The following ZNF804B variants were observed in gnomAD, a reference collection of about 807,000 sequenced individuals.
The protein encoded by ZNF804B is zinc finger 804B.
In ZNF804B, 80 loss-of-function variants were observed where a neutral mutation model predicts 101.4. The ratio of observed to expected loss-of-function variants is 0.79; its 90% CI spans 0.66 to 0.95. ZNF804B has a LOEUF of 0.95. Among genes scored for constraint, ZNF804B ranks in the 40% least tolerant of loss-of-function variants. ZNF804B has a pLI of 0.00. For synonymous variants in ZNF804B, 622 were observed against 558.8 expected (o/e 1.11, Z -1.59); for missense variants, 1,673 against 1,561.9 (o/e 1.07, Z -1.20).
At chr7:89,306,591 T>A (rs1186239932) in intron 2 of ZNF804B, among the ~76,000 whole-genome samples, 1 of 152,068 alleles carries the variant, frequency 6.6e-6, no homozygotes, top group Non-Finnish European at 1.5e-5. Context: ...ACTTTAGCAC[T>A]GAGTTTGATG....
intron 2 of ZNF804B, among the ~76,000 whole-genome samples, chr7:89,240,093 T>C (rs935747434): frequency 1.3e-5 from 2 of 152,062 alleles, no homozygotes; most frequent in Admixed American, 6.6e-5. Context: ...TTCTAGTTAC[T>C]ACTAGTATTT....
chr7:89,233,013 C>T lies in ZNF804B; in HGVS notation c.249+14718C>T, dbSNP rs1200455211. ...CTCCACTCACTGCAAGCTCCGCCTC[C>T]CGGGTTCACGCCATTTTCCTGCCTC... is the stretch of plus-strand genomic sequence containing the variant. On this transcript the variant is annotated intron_variant, in intron 2 of 3. Coordinates refer to ENST00000333190, the MANE Select transcript of ZNF804B (RefSeq NM_181646.5). Among the ~76,000 whole-genome samples the T allele has an allele frequency of 2.6e-5, 4 of 152,280 alleles. No homozygotes were observed. The East Asian group carries it at 7.7e-4, about 29-fold the overall frequency.
intron 1 of ZNF804B, among the ~76,000 whole-genome samples, chr7:88,771,871 T>A (rs542718574): frequency 6.6e-6 from 1 of 152,244 alleles, no homozygotes; most frequent in Non-Finnish European, 1.5e-5. Context: ...AATTATGTAT[T>A]TAATGGCAAG....
At chr7:89,166,775 G>A (rs752470710) in intron 1 of ZNF804B, among the ~76,000 whole-genome samples, 1 of 152,132 alleles carries the variant, frequency 6.6e-6, no homozygotes, top group Non-Finnish European at 1.5e-5. Flanking sequence ...TTGGAGAGAT[G>A]AACTTCCCAA....
chr7:89,284,382 G>GCA, intron 2 of ZNF804B, among the ~76,000 whole-genome samples: 1 of 152,292 alleles, frequency 6.6e-6, no homozygotes, highest in East Asian at 1.9e-4. Context: ...CCCATATGAA[G>GCA]TAGCACTAGT....
At chr7:89,062,857 C>G (rs949373255) in intron 1 of ZNF804B, among the ~76,000 whole-genome samples, 3 of 152,010 alleles carry the variant, frequency 2.0e-5, no homozygotes, top group African/African-American at 4.8e-5. Context: ...TTTTAAGGAT[C>G]CACTTATGAA....
At chr7:89,117,558 T>A (rs966538689) in intron 1 of ZNF804B, among the ~76,000 whole-genome samples, 1 of 152,226 alleles carries the variant, frequency 6.6e-6, no homozygotes, top group African/African-American at 2.4e-5. Context: ...CATTACTCAG[T>A]ATGATACCCA....
At chr7:89,169,663 A>G (rs749851513) in intron 1 of ZNF804B, among the ~76,000 whole-genome samples, 5 of 152,194 alleles carry the variant, frequency 3.3e-5, no homozygotes, top group Admixed American at 6.6e-5. Context: ...TCTATTCCTG[A>G]GCCTTTCGAA....
At chr7:88,900,425 A>G (rs1427973810) in intron 1 of ZNF804B, among the ~76,000 whole-genome samples, 2 of 151,746 alleles carry the variant, frequency 1.3e-5, no homozygotes, top group African/African-American at 2.4e-5. Context: ...AAAGATTTAC[A>G]TAAGCCAGAA....
chr7:89,093,734 C>T (rs1045778651), intron 1 of ZNF804B, among the ~76,000 whole-genome samples: 9 of 152,220 alleles, frequency 5.9e-5, no homozygotes, highest in African/African-American at 1.9e-4. Flanking sequence ...GAAGGAACTG[C>T]CAAATTATTT....
rs200449116 is a variant in ZNF804B at position 88,852,287 on chromosome 7, T to C, written c.108+92203T>C. On this transcript the variant is annotated intron_variant, in intron 1 of 3. Transcript: ENST00000333190. Reference sequence around the variant, plus strand: ...TGTATTTCCTAGTTGTAATGTTAGATATATTTCTTACTATGAGTCATGGTC... The same window carrying C: ...TGTATTTCCTAGTTGTAATGTTAGACATATTTCTTACTATGAGTCATGGTC... Among the ~76,000 whole-genome samples, 7 of 152,124 alleles carry C rather than the reference T, an allele frequency of 4.6e-5. No individual in the cohort carries two copies. In the East Asian group the frequency reaches 1.2e-3, roughly 25 times the overall value.
At chr7:88,847,238 G>C (rs756204703) in intron 1 of ZNF804B, among the ~76,000 whole-genome samples, 27 of 151,974 alleles carry the variant, frequency 1.8e-4, no homozygotes, top group Non-Finnish European at 2.9e-5. Flanking sequence ...TCTTCACTCT[G>C]ATAGTATTCA....
chr7:89,242,928 C>A (rs1584078456), intron 2 of ZNF804B, among the ~76,000 whole-genome samples: 1 of 151,730 alleles, frequency 6.6e-6, no homozygotes, highest in African/African-American at 2.4e-5. Context: ...AACTAGTCTT[C>A]CAAAAATCAA....
At chr7:88,858,061 G>T (rs1791597862) in intron 1 of ZNF804B, among the ~76,000 whole-genome samples, 1 of 151,932 alleles carries the variant, frequency 6.6e-6, no homozygotes, top group Admixed American at 6.6e-5. Flanking sequence ...GACCTCAGGT[G>T]ATCTGCCCAC....
intron 1 of ZNF804B, among the ~76,000 whole-genome samples, chr7:88,966,720 T>A (rs1010672838): frequency 1.3e-5 from 2 of 151,172 alleles, no homozygotes; most frequent in East Asian, 3.9e-4. Flanking sequence ...ACTTTTAGAG[T>A]CATTTACAAA....
At chr7:89,001,545 A>T (rs954450012) in intron 1 of ZNF804B, among the ~76,000 whole-genome samples, 1 of 151,938 alleles carries the variant, frequency 6.6e-6, no homozygotes, top group Admixed American at 6.6e-5. Context: ...AGCCAGCAGC[A>T]GTCTTTTGAA....
chr7:88,825,119 C>T (rs1172375855), intron 1 of ZNF804B, among the ~76,000 whole-genome samples: 2 of 152,038 alleles, frequency 1.3e-5, no homozygotes, highest in East Asian at 1.9e-4. Context: ...TGGATGGAAG[C>T]GTGGATTGGG....
intron 2 of ZNF804B, among the ~76,000 whole-genome samples, chr7:89,275,157 G>A (rs1354880259): frequency 6.6e-6 from 1 of 151,850 alleles, no homozygotes; most frequent in Non-Finnish European, 1.5e-5. Flanking sequence ...TCCATTCCAA[G>A]GAAGTGGAAA....
intron 1 of ZNF804B, among the ~76,000 whole-genome samples, chr7:88,876,495 CATTT>C (rs1205442197): frequency 6.6e-6 from 1 of 152,104 alleles, no homozygotes; most frequent in Non-Finnish European, 1.5e-5. Flanking sequence ...ATCTGTCTGT[CATTT>C]ATTCAGTTAC....
Sources: gnomAD v4.1 joint callset for allele counts (sites outside exome capture counted in the v4.1 genomes callset) on GRCh38, gnomAD v4.1.1 for gene constraint, MANE v1.5 for transcripts, NCBI Gene and HGNC (gene_info 2026-07-23, HGNC 2026-07-21) for gene names.